The following IPMK variants were observed in gnomAD, a reference collection of about 807,000 sequenced individuals.
The protein encoded by IPMK is inositol polyphosphate multikinase.
IPMK carries 17 observed loss-of-function variants against 45.8 expected under a neutral mutation model. That is an observed-to-expected ratio of 0.37 (90% CI 0.25 to 0.56). IPMK has a LOEUF of 0.56. Ranked by LOEUF, IPMK falls within the 20% of genes least tolerant of loss-of-function variation. IPMK has a pLI of 0.79. For missense variants in IPMK, 399 were observed against 498.0 expected, an observed-to-expected ratio of 0.80 and a Z score of 1.89; for synonymous variants, 180 against 184.3, an observed-to-expected ratio of 0.98 and a Z score of 0.19.
At chr10:58,241,549 A>C (rs189521152) in intron 1 of IPMK, among the ~76,000 whole-genome samples, 3 of 152,300 alleles carry the variant, frequency 2.0e-5, no homozygotes, top group Admixed American at 2.0e-4. Context: ...CAGGGTTTGC[A>C]TAACAAAATG....
chr10:58,235,795 G>A (rs1838602421), intron 2 of IPMK, among the ~76,000 whole-genome samples: 1 of 151,698 alleles, frequency 6.6e-6, no homozygotes, highest in Non-Finnish European at 1.5e-5. Context: ...ATGTATCCTA[G>A]AACTTAAAGT....
In IPMK at chr10:58,193,329, G is replaced by A. The variant is rs1837843229; in HGVS notation, c.*2747C>T. 1 of 151,846 alleles carries A rather than the reference G, an allele frequency of 6.6e-6. No individual in the cohort carries two copies. Among genetic ancestry groups the A allele is most frequent in the Non-Finnish European group, 1.5e-5 (1 of 67,788 alleles). The allele number at this position is 151,846 out of a possible 1,614,324, so 9.4% of individuals were successfully genotyped here. On this transcript the variant is annotated 3_prime_UTR_variant, in exon 6 of 6. Transcript: ENST00000373935. Reference sequence around the variant, plus strand: ...TAGAGCCCCATAAGAGCAAACTGTAGTGTAAAGAGGAAAAGTAAGTACAAT... The same window carrying A: ...TAGAGCCCCATAAGAGCAAACTGTAATGTAAAGAGGAAAAGTAAGTACAAT...
chr10:58,209,523 T>G (rs1304202177), intron 4 of IPMK, among the ~76,000 whole-genome samples: 1 of 152,244 alleles, frequency 6.6e-6, no homozygotes, highest in Non-Finnish European at 1.5e-5. Context: ...ATTGTTCTTC[T>G]GGGTCTAGCT....
chr10:58,248,785 A>G (rs1838841083), intron 1 of IPMK, among the ~76,000 whole-genome samples: 1 of 152,188 alleles, frequency 6.6e-6, no homozygotes, highest in African/African-American at 2.4e-5. Context: ...GAATGAGGTC[A>G]TGTGTTATTC....
chr10:58,236,497 C>T (rs1838615041), intron 2 of IPMK, among the ~76,000 whole-genome samples: 1 of 152,114 alleles, frequency 6.6e-6, no homozygotes, highest in Non-Finnish European at 1.5e-5. Context: ...AAATCTATTT[C>T]TGTATTTTAC....
At chr10:58,198,615 T>C (rs1158522947) in intron 5 of IPMK, among the ~76,000 whole-genome samples, 1 of 152,198 alleles carries the variant, frequency 6.6e-6, no homozygotes, top group Non-Finnish European at 1.5e-5. Flanking sequence ...TATGCATAAG[T>C]TCTTCTCTAA....
chr10:58,255,896 G>T (rs751537218), intron 1 of IPMK, among the ~76,000 whole-genome samples: 2 of 152,094 alleles, frequency 1.3e-5, no homozygotes, highest in Non-Finnish European at 1.5e-5. Flanking sequence ...TGTCTTTACT[G>T]CAATCTCTGA....
intron 1 of IPMK, among the ~76,000 whole-genome samples, chr10:58,255,515 T>C (rs926525867): frequency 2.0e-5 from 3 of 152,210 alleles, no homozygotes; most frequent in African/African-American, 7.2e-5. Context: ...GATTCTCCCC[T>C]GGGCTCTGGT....
chr10:58,215,665 C>T (rs1239920663), intron 4 of IPMK, among the ~76,000 whole-genome samples: 1 of 152,140 alleles, frequency 6.6e-6, no homozygotes, highest in Non-Finnish European at 1.5e-5. Flanking sequence ...CCACCTCAGC[C>T]TCCTGAAATG....
At chr10:58,261,568 C>A (rs111228636) in intron 1 of IPMK, among the ~76,000 whole-genome samples, 2 of 151,702 alleles carry the variant, frequency 1.3e-5, no homozygotes, top group African/African-American at 4.8e-5. Context: ...AAACAAAAAA[C>A]CTAATCCAAC....
chr10:58,225,603 C>T (rs535839880), intron 3 of IPMK, among the ~76,000 whole-genome samples: 1 of 152,266 alleles, frequency 6.6e-6, no homozygotes, highest in Non-Finnish European at 1.5e-5. Flanking sequence ...AGTTATTCTA[C>T]TCTTTCCAAA....
intron 4 of IPMK, among the ~76,000 whole-genome samples, chr10:58,207,460 G>A (rs981572435): frequency 1.3e-5 from 2 of 152,202 alleles, no homozygotes; most frequent in African/African-American, 2.4e-5. Flanking sequence ...AGTTCTTTTA[G>A]TTCACACTGT....
chr10:58,243,451 C>T (rs930091910), intron 1 of IPMK, among the ~76,000 whole-genome samples: 9 of 152,250 alleles, frequency 5.9e-5, no homozygotes, highest in African/African-American at 2.2e-4. Flanking sequence ...CTTGCTGCAA[C>T]CTCGCTGCCT....
intron 4 of IPMK, among the ~76,000 whole-genome samples, chr10:58,211,919 A>AAAAAAAT (rs1554823053): frequency 4.4e-4 from 65 of 148,232 alleles, no homozygotes; most frequent in African/African-American, 1.6e-3. Context: ...AAAAAAAAAA[A>AAAAAAAT]AAAAAATTTG....
At chr10:58,210,655 C>T (rs1838144572) in intron 4 of IPMK, among the ~76,000 whole-genome samples, 1 of 152,286 alleles carries the variant, frequency 6.6e-6, no homozygotes, top group South Asian at 2.1e-4. Context: ...GTTGCTTCTA[C>T]TTTTACATTT....
intron 1 of IPMK, among the ~76,000 whole-genome samples, chr10:58,249,503 G>A (rs1444363877): frequency 7.3e-6 from 1 of 136,486 alleles, no homozygotes; most frequent in Admixed American, 6.8e-5. Flanking sequence ...CTGGTCATTT[G>A]TATGTCCACT....
chr10:58,257,157 A>G (rs1300606924), intron 1 of IPMK, among the ~76,000 whole-genome samples: 6 of 152,382 alleles, frequency 3.9e-5, no homozygotes, highest in African/African-American at 1.2e-4. Context: ...CATTATATAC[A>G]TACTAAGAGA....
intron 1 of IPMK, among the ~76,000 whole-genome samples, chr10:58,250,112 G>T (rs1374581622): frequency 1.3e-5 from 2 of 152,168 alleles, no homozygotes; most frequent in African/African-American, 4.8e-5. Context: ...TTGAAGCCAG[G>T]TAGTATGATG....
At chr10:58,252,483 G>A (rs748128942) in intron 1 of IPMK, among the ~76,000 whole-genome samples, 1 of 147,806 alleles carries the variant, frequency 6.8e-6, no homozygotes, top group African/African-American at 2.5e-5. Flanking sequence ...AGCGGTCCAT[G>A]TGCATGTTTG....
Sources: gnomAD v4.1 joint callset for allele counts (sites outside exome capture counted in the v4.1 genomes callset) on GRCh38, gnomAD v4.1.1 for gene constraint, MANE v1.5 for transcripts, NCBI Gene and HGNC (gene_info 2026-07-23, HGNC 2026-07-21) for gene names.